SCARB1: variants seen among roughly 807,000 people sequenced by gnomAD.
SCARB1 encodes the protein scavenger receptor class B member 1.
SCARB1 carries 30 observed loss-of-function variants against 57.2 expected under a neutral mutation model. The ratio of observed to expected loss-of-function variants is 0.52; its 90% CI spans 0.39 to 0.71. SCARB1 has a LOEUF of 0.71. Ranked by LOEUF, SCARB1 falls within the 30% of genes least tolerant of loss-of-function variation. The probability of loss-of-function intolerance (pLI) is 0.00; values close to 1 mark genes in which losing one functional copy is unlikely to be tolerated. For synonymous variants in SCARB1, 249 were observed against 268.3 expected (o/e 0.93, Z 0.70); for missense variants, 543 against 671.2 (o/e 0.81, Z 2.11).
intron 8 of SCARB1, among the ~76,000 whole-genome samples, chr12:124,799,919 A>G (rs1309106642): frequency 6.6e-6 from 1 of 152,194 alleles, no homozygotes; most frequent in African/African-American, 2.4e-5. Context: ...ATTTATAGAA[A>G]CCAGTACAGG....
At chr12:124,831,770 G>A (rs942216789) in intron 1 of SCARB1, among the ~76,000 whole-genome samples, 1 of 152,192 alleles carries the variant, frequency 6.6e-6, no homozygotes. Flanking sequence ...CATGCAGCAG[G>A]GACAGGTCAT....
At chr12:124,842,365 T>C (rs1951940963) in intron 1 of SCARB1, among the ~76,000 whole-genome samples, 1 of 152,192 alleles carries the variant, frequency 6.6e-6, no homozygotes, top group Admixed American at 6.5e-5. Context: ...CTGCCGGAAA[T>C]GCAAAGCTGC....
chr12:124,799,584 G>A (rs916445622), intron 8 of SCARB1, among the ~76,000 whole-genome samples: 1 of 151,950 alleles, frequency 6.6e-6, no homozygotes, highest in Non-Finnish European at 1.5e-5. Context: ...GCCCACCCAG[G>A]AAACAGAAAA....
chr12:124,796,676 AC>A lies in SCARB1; in HGVS notation c.1129-1409del, dbSNP rs1362356602. Among the ~76,000 whole-genome samples, 4 of 152,324 alleles carry A rather than the reference AC, an allele frequency of 2.6e-5. No homozygotes were observed. The East Asian group carries it at 5.8e-4, about 22-fold the overall frequency. On this transcript the variant is annotated intron_variant, in intron 8 of 12. Coordinates refer to ENST00000261693, the MANE Select transcript of SCARB1 (RefSeq NM_005505.5). This position sits in a 1 kb window ranked among gnomAD's most constrained non-coding sequence, Gnocchi z 4.0. ...AAATGCCTAGGTTATTATCACGTACACTATAGGGAAAGGATGTTTTCTTCAT... is the reference window on the plus strand; with the variant it reads ...AAATGCCTAGGTTATTATCACGTACATATAGGGAAAGGATGTTTTCTTCAT...
rs994053815 is a variant in SCARB1, at chr12:124,789,963, A to T, written c.1203-2506T>A. 6.9e-6 allele frequency among the ~76,000 whole-genome samples: 1 copy of T among 145,390 alleles called. No individual in the cohort carries two copies. The highest frequency in any genetic ancestry group is 1.5e-5 in the Non-Finnish European group (1 of 67,608). On this transcript the variant is annotated intron_variant, in intron 9 of 12. Coordinates refer to ENST00000261693, the MANE Select transcript of SCARB1 (RefSeq NM_005505.5). The surrounding 1 kb of genome is among the most constrained non-coding windows in gnomAD (Gnocchi z 4.4). Reference sequence around the variant, plus strand: ...GAGTCAGAGGTTGCAGTGAGCGGAGATCATGCCATTGCACTCCAGCCTGGC... The same window carrying T: ...GAGTCAGAGGTTGCAGTGAGCGGAGTTCATGCCATTGCACTCCAGCCTGGC...
intron 9 of SCARB1, among the ~76,000 whole-genome samples, chr12:124,794,656 C>T (rs1318944638): frequency 6.6e-6 from 1 of 152,150 alleles, no homozygotes; most frequent in Non-Finnish European, 1.5e-5. Flanking sequence ...GAAGGCCGGG[C>T]ACGGTGGCTC....
chr12:124,853,392 T>G (rs7484837), intron 1 of SCARB1, among the ~76,000 whole-genome samples: 2,695 of 41,774 alleles, frequency 0.065, 58 homozygotes, highest in African/African-American at 0.13. Context: ...ATAGTTTTGT[T>G]TTTTTTTTTT....
chr12:124,784,597 G>C (rs1241994238), intron 11 of SCARB1: 1 of 152,414 alleles, frequency 6.6e-6, no homozygotes, highest in Non-Finnish European at 1.5e-5. Context: ...GGAAGAGGAA[G>C]AATCATTCAC....
rs75840338 is a variant in SCARB1 at position 124,814,543 on chromosome 12, G to A, written c.427-138C>T. On this transcript the variant is annotated intron_variant, in intron 3 of 12. Transcript: ENST00000261693. This position sits in a 1 kb window ranked among gnomAD's most constrained non-coding sequence, Gnocchi z 4.7. ...GGAGGCCCCTGGAGTGGCCACGTGG[G>A]GCATCTGGGACACCAGAACCACCCT... is the stretch of plus-strand genomic sequence containing the variant. The A allele has an allele frequency of 4.7e-6, 4 of 855,344 alleles. No individual in the cohort carries two copies. Among genetic ancestry groups the A allele is most frequent in the African/African-American group, 3.3e-5 (2 of 60,006 alleles). 53.0% of individuals were successfully genotyped at this position (855,344 alleles called of 1,614,324 possible).
At chr12:124,808,798 A>G (rs1364893801) in intron 6 of SCARB1, among the ~76,000 whole-genome samples, 1 of 152,166 alleles carries the variant, frequency 6.6e-6, no homozygotes, top group Non-Finnish European at 1.5e-5. Context: ...ATGCAAGTAT[A>G]AAATACATTC....
intron 8 of SCARB1, among the ~76,000 whole-genome samples, chr12:124,797,345 G>T (rs1268543152): frequency 6.6e-6 from 1 of 152,016 alleles, no homozygotes; most frequent in Admixed American, 6.6e-5. Flanking sequence ...CCCTCCCCCA[G>T]TTTCAGGAGC....
chr12:124,857,264 C>A (rs1952678764), intron 1 of SCARB1, among the ~76,000 whole-genome samples: 1 of 152,184 alleles, frequency 6.6e-6, no homozygotes, highest in Non-Finnish European at 1.5e-5. Flanking sequence ...AAATAAGACA[C>A]AATAGTACCT....
At chr12:124,794,964 G>GA (rs1227783365) in intron 9 of SCARB1, among the ~76,000 whole-genome samples, 1 of 147,520 alleles carries the variant, frequency 6.8e-6, no homozygotes, top group Non-Finnish European at 1.5e-5. Context: ...AAAAGAGAAA[G>GA]AAAAGTGGTG....
intron 7 of SCARB1, among the ~76,000 whole-genome samples, chr12:124,803,694 A>C (rs1211184435): frequency 9.0e-6 from 1 of 111,438 alleles, no homozygotes; most frequent in East Asian, 6.6e-4. Context: ...CTCTACAAAA[A>C]AAAAAAAAAA....
chr12:124,781,830 T>C (rs1230016925), intron 12 of SCARB1, among the ~76,000 whole-genome samples: 3 of 151,614 alleles, frequency 2.0e-5, no homozygotes, highest in East Asian at 3.9e-4. Flanking sequence ...GTCCCAGGTA[T>C]ACAGTTGGTG....
intron 1 of SCARB1, among the ~76,000 whole-genome samples, chr12:124,826,330 C>CAAAA (rs55809371): frequency 1.3e-5 from 1 of 78,902 alleles, no homozygotes; most frequent in Non-Finnish European, 2.9e-5. Context: ...GACCCTGTCT[C>CAAAA]AAAAAAAAAA....
intron 5 of SCARB1, among the ~76,000 whole-genome samples, chr12:124,811,282 T>C (rs1305769306): frequency 6.6e-6 from 1 of 152,028 alleles, no homozygotes; most frequent in African/African-American, 2.4e-5. Flanking sequence ...ATCTCTTCTC[T>C]TTTTTTTGGA....
chr12:124,791,684 C>T (rs572850379), intron 9 of SCARB1, among the ~76,000 whole-genome samples: 5 of 152,220 alleles, frequency 3.3e-5, no homozygotes, highest in East Asian at 1.9e-4. Flanking sequence ...AGACCGGGCG[C>T]AGTGGCTCAC....
intron 12 of SCARB1, among the ~76,000 whole-genome samples, chr12:124,779,723 G>T (rs1014246591): frequency 6.6e-6 from 1 of 152,004 alleles, no homozygotes; most frequent in African/African-American, 2.4e-5. Flanking sequence ...CCCTTGCCCT[G>T]AGCAACAGAG....
Sources: gnomAD v4.1 joint callset for allele counts (sites outside exome capture counted in the v4.1 genomes callset) on GRCh38, gnomAD v4.1.1 for gene constraint, Gnocchi (gnomAD v3.1) non-coding constraint, MANE v1.5 for transcripts, NCBI Gene and HGNC (gene_info 2026-07-23, HGNC 2026-07-21) for gene names.